CSTF3: variants seen among roughly 807,000 people sequenced by gnomAD.
CSTF3 encodes the protein CF-1 77 kDa subunit.
CSTF3 carries 29 observed loss-of-function variants against 105.8 expected under a neutral mutation model. The ratio of observed to expected loss-of-function variants is 0.27; its 90% CI spans 0.20 to 0.37. The LOEUF (loss-of-function observed/expected upper bound fraction) is 0.37. Among genes scored for constraint, CSTF3 ranks in the 10% least tolerant of loss-of-function variants. The probability of loss-of-function intolerance (pLI) is 1.00; values close to 1 mark genes in which losing one functional copy is unlikely to be tolerated. For synonymous variants in CSTF3, 252 were observed against 281.9 expected, an observed-to-expected ratio of 0.89 and a Z score of 1.06; for missense variants, 357 against 879.3, an observed-to-expected ratio of 0.41 and a Z score of 7.51.
chr11:33,143,662 A>G (rs557641121), intron 1 of CSTF3, among the ~76,000 whole-genome samples: 55 of 152,248 alleles, frequency 3.6e-4, no homozygotes, highest in Non-Finnish European at 5.1e-4. Context: ...AGGCACAAGA[A>G]TTGCTTGAAT....
At chr11:33,111,916 TA>T (rs1316931950) in intron 3 of CSTF3, among the ~76,000 whole-genome samples, 2 of 152,196 alleles carry the variant, frequency 1.3e-5, no homozygotes, top group Non-Finnish European at 1.5e-5. Flanking sequence ...ACAATAGCTA[TA>T]ATCTCATTAT....
chr11:33,130,501 G>A (rs1855587748), intron 3 of CSTF3, among the ~76,000 whole-genome samples: 1 of 151,920 alleles, frequency 6.6e-6, no homozygotes, highest in Non-Finnish European at 1.5e-5. Context: ...AGAGATCATA[G>A]GGAATCTAGT....
chr11:33,124,854 T>C (rs1207886585), intron 3 of CSTF3, among the ~76,000 whole-genome samples: 1 of 152,240 alleles, frequency 6.6e-6, no homozygotes, highest in Non-Finnish European at 1.5e-5. Flanking sequence ...TCCACTGTCT[T>C]CTAGCTTCCC....
At chr11:33,098,600 A>C (rs1855248361) in intron 13 of CSTF3, 90 bp downstream of exon 13, 1 of 796,780 alleles carries the variant, frequency 1.3e-6, no homozygotes, top group Admixed American at 2.3e-5. Context: ...TATACAACAA[A>C]AACAGTGAAT....
At position 33,099,009 on chromosome 11, in the gene CSTF3, G is replaced by C; in HGVS notation, c.1053+25C>G. On this transcript the variant is annotated intron_variant, in intron 12 of 20. Coordinates refer to ENST00000323959, the MANE Select transcript of CSTF3 (RefSeq NM_001326.3). This position sits in a 1 kb window ranked among gnomAD's most constrained non-coding sequence, Gnocchi z 4.1. ...CCTGCACTAAAAAATTGAATTATAA[G>C]AAGGCTCTAAACATTTTTACTTACC... is the stretch of plus-strand genomic sequence containing the variant. The C allele has an allele frequency of 6.4e-7, 1 of 1,552,946 alleles. No individual in the cohort carries two copies. Among genetic ancestry groups the C allele is most frequent in the South Asian group, 1.2e-5 (1 of 80,528 alleles).
chr11:33,132,072 C>T (rs999067376), intron 3 of CSTF3, among the ~76,000 whole-genome samples: 8 of 151,952 alleles, frequency 5.3e-5, no homozygotes, highest in Admixed American at 2.6e-4. Context: ...AAAGAAAAAA[C>T]GTTACATTGT....
intron 10 of CSTF3, among the ~76,000 whole-genome samples, chr11:33,100,025 C>T (rs1383445785): frequency 6.6e-6 from 1 of 152,056 alleles, no homozygotes; most frequent in Non-Finnish European, 1.5e-5. Flanking sequence ...TCCCAAGTAG[C>T]TGAGACCAGG....
At chr11:33,122,098 A>G (rs1855495278) in intron 3 of CSTF3, among the ~76,000 whole-genome samples, 2 of 152,182 alleles carry the variant, frequency 1.3e-5, no homozygotes, top group African/African-American at 4.8e-5. Flanking sequence ...AAGATATAAA[A>G]TAATCTATGG....
chr11:33,099,022 A>G lies in CSTF3; in HGVS notation c.1053+12T>C. 7 of 1,561,662 alleles carry G rather than the reference A, an allele frequency of 4.5e-6. No individual in the cohort carries two copies. The highest frequency in any genetic ancestry group is 6.0e-6 in the Non-Finnish European group (7 of 1,166,720). On this transcript the variant is annotated intron_variant, in intron 12 of 20. Coordinates refer to ENST00000323959, the MANE Select transcript of CSTF3 (RefSeq NM_001326.3). This position sits in a 1 kb window ranked among gnomAD's most constrained non-coding sequence, Gnocchi z 4.1. ...ATTGAATTATAAGAAGGCTCTAAAC[A>G]TTTTTACTTACCTCTTCATAATCTG...
chr11:33,132,913 C>T (rs1289444131), intron 3 of CSTF3, among the ~76,000 whole-genome samples: 4 of 151,826 alleles, frequency 2.6e-5, no homozygotes, highest in Admixed American at 2.6e-4. Context: ...TATAGATATC[C>T]ATTTCCTATA....
chr11:33,123,670 T>C (rs1478101575), intron 3 of CSTF3, among the ~76,000 whole-genome samples: 2 of 151,648 alleles, frequency 1.3e-5, no homozygotes, highest in East Asian at 3.8e-4. Context: ...TAGAAAAAGA[T>C]TTCCAAAAGT....
chr11:33,151,119 T>C (rs570531448), intron 1 of CSTF3, among the ~76,000 whole-genome samples: 1 of 152,320 alleles, frequency 6.6e-6, no homozygotes, highest in East Asian at 1.9e-4. Context: ...CCTGGGCAAC[T>C]ACTAATCTAT....
At chr11:33,158,101 T>C (rs570284558) in intron 1 of CSTF3, among the ~76,000 whole-genome samples, 1 of 152,180 alleles carries the variant, frequency 6.6e-6, no homozygotes, top group Admixed American at 6.5e-5. Context: ...AATGAAGTCA[T>C]GGAGGAAACA....
rs921855753 is a variant in CSTF3, at chr11:33,099,860, T to A, written c.827-143A>T. 1 of 512,014 alleles carries A rather than the reference T, an allele frequency of 2.0e-6. No homozygotes were observed. Among genetic ancestry groups the A allele is most frequent in the Non-Finnish European group, 3.4e-6 (1 of 294,114 alleles). 31.7% of individuals were successfully genotyped at this position (512,014 alleles called of 1,614,324 possible). On this transcript the variant is annotated intron_variant, in intron 10 of 20. Coordinates refer to ENST00000323959, the MANE Select transcript of CSTF3 (RefSeq NM_001326.3). The surrounding 1 kb of genome is among the most constrained non-coding windows in gnomAD (Gnocchi z 4.1). ...AAAGCTTTAGTGATTTCTGGCACCA[T>A]CATCCATCCAAGTTCCCTCCATCTA...
intron 17 of CSTF3, among the ~76,000 whole-genome samples, chr11:33,090,284 T>G (rs1855155954): frequency 6.6e-6 from 1 of 152,200 alleles, no homozygotes; most frequent in Non-Finnish European, 1.5e-5. Context: ...ATATAAGATA[T>G]AAGGCACTGA....
At position 33,090,768 on chromosome 11, in the gene CSTF3, G is replaced by A. The variant is rs577858141; in HGVS notation, c.1446-41C>T. 35 of 1,386,388 alleles carry A rather than the reference G, an allele frequency of 2.5e-5. No individual in the cohort carries two copies. In the South Asian group the frequency reaches 5.6e-4, roughly 22 times the overall value. 85.9% of individuals were successfully genotyped at this position (1,386,388 alleles called of 1,614,324 possible). A position where few individuals can be genotyped will look rare whatever the true frequency, so the allele number is the denominator to read the frequency against. On this transcript the variant is annotated intron_variant, in intron 16 of 20. Transcript: ENST00000323959. ...TACAATCAATACTTTAATTATTCTG[G>A]GTTTAGGGCAGGGAGTTCATTTACA...
intron 3 of CSTF3, among the ~76,000 whole-genome samples, chr11:33,131,157 TAAAA>T (rs1855594707): frequency 6.6e-6 from 1 of 152,218 alleles, no homozygotes; most frequent in Non-Finnish European, 1.5e-5. Flanking sequence ...AGCTAAAAAT[TAAAA>T]AACTATGGAA....
chr11:33,127,128 A>G (rs1855551413), intron 3 of CSTF3, among the ~76,000 whole-genome samples: 2 of 152,226 alleles, frequency 1.3e-5, no homozygotes, highest in Admixed American at 1.3e-4. Context: ...AACATCAAGG[A>G]GGCCAGTGTG....
chr11:33,088,785 T>C (rs1417528141), intron 17 of CSTF3, among the ~76,000 whole-genome samples: 2 of 151,632 alleles, frequency 1.3e-5, no homozygotes, highest in African/African-American at 2.4e-5. Context: ...TTTTGTATTT[T>C]TCTCTCTTTT....
Sources: gnomAD v4.1 joint callset for allele counts (sites outside exome capture counted in the v4.1 genomes callset) on GRCh38, gnomAD v4.1.1 for gene constraint, Gnocchi (gnomAD v3.1) non-coding constraint, MANE v1.5 for transcripts, NCBI Gene and HGNC (gene_info 2026-07-23, HGNC 2026-07-21) for gene names.